PCDH15: variants seen among roughly 807,000 people sequenced by gnomAD.
PCDH15 encodes the protein protocadherin related 15, also known as protocadherin-15.
In PCDH15, 129 loss-of-function variants were observed where a neutral mutation model predicts 178.5. That is an observed-to-expected ratio of 0.72 (90% CI 0.63 to 0.84). The LOEUF is 0.84. PCDH15 is among the 40% of genes least tolerant of loss of function. PCDH15 has a pLI of 0.00. For missense variants in PCDH15, 2,230 were observed against 2,099.9 expected, an observed-to-expected ratio of 1.06 and a Z score of -1.21; for synonymous variants, 800 against 732.0, an observed-to-expected ratio of 1.09 and a Z score of -1.50.
At chr10:54,382,099 C>T (rs4935512) in intron 3 of PCDH15, among the ~76,000 whole-genome samples, 133,638 of 152,142 alleles carry the variant, frequency 0.88, 58,767 homozygotes, top group East Asian at 0.99. Context: ...TATTTATTGA[C>T]ATTTTCAACA....
chr10:54,208,070 C>A (rs904308813), intron 10 of PCDH15, among the ~76,000 whole-genome samples: 2 of 151,786 alleles, frequency 1.3e-5, no homozygotes, highest in Non-Finnish European at 2.9e-5. Context: ...GTGTGGCAAT[C>A]TGCTAAGTTT....
intron 32 of PCDH15, chr10:53,821,141 A>G (rs1588919808): frequency 1.0e-6 from 1 of 978,344 alleles, no homozygotes; most frequent in Middle Eastern, 5.3e-4. Context: ...AAGGGAAGGG[A>G]AAGCACAATG....
chr10:54,636,939 G>A (rs2093867776), intron 2 of PCDH15, among the ~76,000 whole-genome samples: 1 of 151,932 alleles, frequency 6.6e-6, no homozygotes, highest in South Asian at 2.1e-4. Context: ...ACATACTCAT[G>A]ATGTAATATA....
At chr10:54,335,011 A>G (rs1002443367) in intron 6 of PCDH15, among the ~76,000 whole-genome samples, 11 of 152,162 alleles carry the variant, frequency 7.2e-5, no homozygotes, top group Admixed American at 4.6e-4. Flanking sequence ...ATCTTTAGAC[A>G]GCCTTAAGCT....
intron 1 of PCDH15, among the ~76,000 whole-genome samples, chr10:55,266,568 G>C (rs1037814222): frequency 6.6e-6 from 1 of 152,122 alleles, no homozygotes; most frequent in Admixed American, 6.5e-5. Flanking sequence ...AACCTGGCTT[G>C]CCACACCCCA....
At chr10:54,028,926 CTT>C (rs2093208235) in intron 18 of PCDH15, among the ~76,000 whole-genome samples, 1 of 142,718 alleles carries the variant, frequency 7.0e-6, no homozygotes, top group Non-Finnish European at 1.5e-5. Context: ...TACCCTAAAA[CTT>C]AAAGTATAAT....
At chr10:54,288,036 G>A (rs963424699) in intron 8 of PCDH15, among the ~76,000 whole-genome samples, 3 of 152,086 alleles carry the variant, frequency 2.0e-5, no homozygotes, top group Non-Finnish European at 4.4e-5. Context: ...GAAAGAGAGA[G>A]AGAAAGGCCA....
intron 3 of PCDH15, among the ~76,000 whole-genome samples, chr10:54,879,253 A>G (rs1445570394): frequency 6.6e-6 from 1 of 151,752 alleles, no homozygotes; most frequent in African/African-American, 2.4e-5. Flanking sequence ...GTCTTTATTT[A>G]GGTATAATGT....
intron 3 of PCDH15, among the ~76,000 whole-genome samples, chr10:54,847,164 A>C (rs1021085995): frequency 2.1e-4 from 32 of 152,256 alleles, no homozygotes; most frequent in African/African-American, 7.5e-4. Context: ...ACTTTGTCTG[A>C]CCTTCATGAT....
intron 2 of PCDH15, among the ~76,000 whole-genome samples, chr10:55,526,867 A>G (rs532967253): frequency 8.5e-5 from 13 of 152,158 alleles, no homozygotes; most frequent in Non-Finnish European, 1.8e-4. Context: ...AATGAATTAG[A>G]CATTGCTAAA....
intron 8 of PCDH15, among the ~76,000 whole-genome samples, chr10:54,241,570 A>G (rs561915284): frequency 3.3e-5 from 5 of 152,286 alleles, no homozygotes; most frequent in Admixed American, 6.5e-5. Flanking sequence ...TGGTTCTTTT[A>G]TACTTTGCCT....
chr10:54,013,198 TAAG>T (rs2092643182), intron 20 of PCDH15, among the ~76,000 whole-genome samples: 1 of 152,138 alleles, frequency 6.6e-6, no homozygotes, highest in East Asian at 1.9e-4. Flanking sequence ...TACAATGCAA[TAAG>T]AAGATCTAAA....
chr10:55,541,045 G>C (rs1841748143), intron 2 of PCDH15, among the ~76,000 whole-genome samples: 1 of 151,978 alleles, frequency 6.6e-6, no homozygotes, highest in Non-Finnish European at 1.5e-5. Context: ...ATAGGATTCG[G>C]CACAGGACCT....
intron 2 of PCDH15, among the ~76,000 whole-genome samples, chr10:55,059,477 C>T (rs779842464): frequency 6.6e-6 from 1 of 152,028 alleles, no homozygotes; most frequent in Non-Finnish European, 1.5e-5. Context: ...TTATAGTTGC[C>T]TACTTAGCAT....
intron 1 of PCDH15, among the ~76,000 whole-genome samples, chr10:55,266,688 G>A (rs1267889461): frequency 1.3e-5 from 2 of 152,176 alleles, no homozygotes; most frequent in East Asian, 3.9e-4. Context: ...AACATCAAGA[G>A]GAACACACTG....
chr10:55,202,203 A>G lies in PCDH15; in HGVS notation c.-155-35552T>C, dbSNP rs147612237. Among the ~76,000 whole-genome samples, 1,106 of 152,196 alleles carry G rather than the reference A, an allele frequency of 7.3e-3. 21 individuals are homozygous for G. The highest frequency in any genetic ancestry group is 0.026 in the African/African-American group (1,067 of 41,474). ...GGGCTGCTGTGGCTTCTGTAGTGTT[A>G]TTGGAAACTTCATCTACGCAGAGCC... On this transcript the variant is annotated intron_variant, in intron 1 of 5. Coordinates refer to the PCDH15 transcript ENST00000458638.
At chr10:53,957,255 GT>G (rs1181946146) in intron 23 of PCDH15, among the ~76,000 whole-genome samples, 2 of 151,156 alleles carry the variant, frequency 1.3e-5, no homozygotes, top group Non-Finnish European at 2.9e-5. Flanking sequence ...AACTGTGAGC[GT>G]TTTTTTGGAT....
intron 26 of PCDH15, among the ~76,000 whole-genome samples, chr10:53,878,605 T>C (rs1201138461): frequency 1.3e-5 from 2 of 150,550 alleles, no homozygotes; most frequent in Admixed American, 1.3e-4. Context: ...TGTTCTTATC[T>C]CTACTAGGGA....
At chr10:54,968,821 G>A (rs994483382) in intron 2 of PCDH15, among the ~76,000 whole-genome samples, 1 of 151,952 alleles carries the variant, frequency 6.6e-6, no homozygotes. Flanking sequence ...TTTTTTCTCT[G>A]TGTGTTTCAT....
Sources: allele counts gnomAD v4.1 joint callset (sites outside exome capture counted in the v4.1 genomes callset), GRCh38; gene constraint gnomAD v4.1.1; transcripts MANE v1.5; gene names NCBI Gene and HGNC (gene_info 2026-07-23, HGNC 2026-07-21).